The following PCDH11Y variants were observed in gnomAD, a reference collection of about 807,000 sequenced individuals.
The protein encoded by PCDH11Y is protocadherin 11 Y-linked.
For missense variants in PCDH11Y, 12 were observed against 224.8 expected (o/e 0.05, Z 6.05); for synonymous variants, 9 against 83.6 (o/e 0.11, Z 4.87).
At chrY:5,372,915 T>TTCCTTCCTTCCTTCCTTCCC (rs764329910) in intron 2 of PCDH11Y, among the ~76,000 whole-genome samples, 1 of 1,583 alleles carries the variant, frequency 6.3e-4, no homozygotes, top group Non-Finnish European at 9.8e-4. Context: ...CCTTCCTTCC[T>TTCCTTCCTTCCTTCCTTCCC]TCCCTCCCTC....
intron 4 of PCDH11Y, among the ~76,000 whole-genome samples, chrY:5,695,103 A>T: frequency 1.3e-4 from 4 of 31,266 alleles, no homozygotes; most frequent in Admixed American, 6.1e-4. Context: ...ACACACACAC[A>T]CACACAGGTG....
At chrY:5,404,220 A>G in intron 2 of PCDH11Y, among the ~76,000 whole-genome samples, 1 of 33,487 alleles carries the variant, frequency 3.0e-5, no homozygotes, top group Non-Finnish European at 7.4e-5. Context: ...AAAGTAAGTC[A>G]TAGAAAGGAA....
At chrY:5,373,743 T>TAC (rs2053194453) in intron 2 of PCDH11Y, among the ~76,000 whole-genome samples, 5 of 23,804 alleles carry the variant, frequency 2.1e-4, no homozygotes, top group Non-Finnish European at 4.8e-4. Flanking sequence ...TGTGTGTATA[T>TAC]ATACACACAC....
chrY:5,116,631 G>T (rs2052811088), intron 2 of PCDH11Y, among the ~76,000 whole-genome samples: 2 of 33,003 alleles, frequency 6.1e-5, no homozygotes, highest in African/African-American at 2.4e-4. Context: ...ATTCATAAAC[G>T]CACCCCTCTT....
intron 2 of PCDH11Y, among the ~76,000 whole-genome samples, chrY:5,211,345 C>A: frequency 6.8e-5 from 2 of 29,523 alleles, no homozygotes; most frequent in Admixed American, 6.5e-4. Flanking sequence ...TGAGTCTCTC[C>A]ATCTCAAGGA....
chrY:5,496,363 A>G, intron 2 of PCDH11Y, among the ~76,000 whole-genome samples: 1 of 33,467 alleles, frequency 3.0e-5, no homozygotes, highest in Non-Finnish European at 7.4e-5. Context: ...ATTTAATAAT[A>G]CATAAAAGTA....
At chrY:5,338,499 C>T (rs370722115) in intron 2 of PCDH11Y, 3 of 392,513 alleles carry the variant, frequency 7.6e-6, no homozygotes, top group African/African-American at 6.5e-5. Flanking sequence ...GGGGTACCCA[C>T]GATGATGTGG....
chrY:5,724,381 A>G (rs2053597177), intron 4 of PCDH11Y, among the ~76,000 whole-genome samples: 1 of 34,035 alleles, frequency 2.9e-5, no homozygotes. Context: ...AAGAAACAAC[A>G]AGAGAAATTC....
At chrY:5,219,768 T>C (rs2563147) in intron 2 of PCDH11Y, among the ~76,000 whole-genome samples, 23 of 33,288 alleles carry the variant, frequency 6.9e-4, no homozygotes, top group African/African-American at 2.7e-3. Flanking sequence ...TGTTGCCTAT[T>C]CTTTTGGTGT....
intron 1 of PCDH11Y, among the ~76,000 whole-genome samples, chrY:5,030,142 A>G (rs2052587373): frequency 3.0e-5 from 1 of 32,847 alleles, no homozygotes; most frequent in African/African-American, 1.2e-4. Context: ...AAAAAAAATA[A>G]TAAAATTTAG....
At chrY:5,030,504 A>T in intron 1 of PCDH11Y, among the ~76,000 whole-genome samples, 1 of 33,555 alleles carries the variant, frequency 3.0e-5, no homozygotes, top group Non-Finnish European at 7.4e-5. Context: ...CTTAGTCTCA[A>T]CATTTTCTTA....
intron 2 of PCDH11Y, among the ~76,000 whole-genome samples, chrY:5,412,954 T>C: frequency 9.2e-5 from 3 of 32,764 alleles, no homozygotes; most frequent in Non-Finnish European, 2.2e-4. Flanking sequence ...ATAGAATGAG[T>C]TAGGGAAGAG....
intron 4 of PCDH11Y, among the ~76,000 whole-genome samples, 195 bp from the exon 6 acceptor site, chrY:5,737,077 C>A: frequency 3.1e-5 from 1 of 31,968 alleles, no homozygotes; most frequent in African/African-American, 1.2e-4. Context: ...CCTCATCCAC[C>A]CACTCCAAGT....
At chrY:5,496,444 A>G in intron 2 of PCDH11Y, among the ~76,000 whole-genome samples, 1 of 32,538 alleles carries the variant, frequency 3.1e-5, no homozygotes, top group Non-Finnish European at 7.5e-5. Flanking sequence ...TCAGTTTCAT[A>G]TTGTCTATGG....
At chrY:5,631,866 T>A (rs2053512535) in intron 4 of PCDH11Y, among the ~76,000 whole-genome samples, 2 of 33,886 alleles carry the variant, frequency 5.9e-5, no homozygotes, top group Non-Finnish European at 1.5e-4. Flanking sequence ...AGTAATTTTT[T>A]AAGTGAATTT....
At chrY:5,587,431 A>T in intron 4 of PCDH11Y, among the ~76,000 whole-genome samples, 1 of 32,714 alleles carries the variant, frequency 3.1e-5, no homozygotes, top group Non-Finnish European at 7.6e-5. Context: ...TGTAACTATT[A>T]GGTTTTTTTG....
chrY:5,040,662 TC>T (rs2052606190), intron 3 of PCDH11Y, among the ~76,000 whole-genome samples: 1 of 30,719 alleles, frequency 3.3e-5, no homozygotes, highest in Non-Finnish European at 7.8e-5. Flanking sequence ...AAATCATTTT[TC>T]ATTTCTTAAT....
At chrY:5,665,433 C>T in intron 4 of PCDH11Y, among the ~76,000 whole-genome samples, 1 of 33,530 alleles carries the variant, frequency 3.0e-5, no homozygotes. Flanking sequence ...CACAATCACA[C>T]ATTTATTCAG....
At chrY:5,036,981 G>A in intron 3 of PCDH11Y, 1 of 90,101 alleles carries the variant, frequency 1.1e-5, no homozygotes, top group East Asian at 3.4e-4. Flanking sequence ...ATGTCTCTAT[G>A]AAATGTCTTC....
Sources: allele counts gnomAD v4.1 joint callset (sites outside exome capture counted in the v4.1 genomes callset), GRCh38; gene constraint gnomAD v4.1.1; transcripts MANE v1.5; gene names NCBI Gene and HGNC (gene_info 2026-07-23, HGNC 2026-07-21).